Variants in EXOC4 observed in about 807,000 individuals in gnomAD.
EXOC4 encodes exocyst complex component 4.
EXOC4 carries 71 observed loss-of-function variants against 107.2 expected under a neutral mutation model. That is an observed-to-expected ratio of 0.66 (90% CI 0.55 to 0.81). The LOEUF is 0.81. Among genes scored for constraint, EXOC4 ranks in the 30% least tolerant of loss-of-function variants. The probability of loss-of-function intolerance (pLI) is 0.00; values close to 1 mark genes in which losing one functional copy is unlikely to be tolerated. For synonymous variants in EXOC4, 456 were observed against 441.2 expected (o/e 1.03, Z -0.42); for missense variants, 1,108 against 1,189.6 (o/e 0.93, Z 1.01).
At chr7:133,788,740 G>T (rs944044137) in intron 10 of EXOC4, among the ~76,000 whole-genome samples, 2 of 152,110 alleles carry the variant, frequency 1.3e-5, no homozygotes, top group African/African-American at 4.8e-5. Flanking sequence ...TGATCCACCT[G>T]CCTCGGCCTC....
At chr7:133,320,017 TA>T (rs760674793) in intron 5 of EXOC4, among the ~76,000 whole-genome samples, 1 of 152,128 alleles carries the variant, frequency 6.6e-6, no homozygotes. Context: ...AACAATTTAT[TA>T]TCAGTCCCAT....
At chr7:134,034,917 A>G (rs1554438328) in intron 17 of EXOC4, among the ~76,000 whole-genome samples, 1 of 152,258 alleles carries the variant, frequency 6.6e-6, no homozygotes, top group Non-Finnish European at 1.5e-5. Context: ...GCAGGATAGT[A>G]TGTAAATGTT....
At chr7:134,032,710 G>A (rs139507272) in intron 17 of EXOC4, among the ~76,000 whole-genome samples, 217 of 152,302 alleles carry the variant, frequency 1.4e-3, no homozygotes, top group African/African-American at 4.7e-3. Context: ...GCCCCAGCAT[G>A]TCTCTTCTGT....
At chr7:134,054,529 C>A (rs192711542) in intron 17 of EXOC4, among the ~76,000 whole-genome samples, 393 of 152,220 alleles carry the variant, frequency 2.6e-3, no homozygotes, top group Middle Eastern at 0.01. Flanking sequence ...TAACATTGGC[C>A]CCTTTCACCA....
At chr7:133,281,525 A>G (rs1794142037) in intron 2 of EXOC4, among the ~76,000 whole-genome samples, 1 of 151,932 alleles carries the variant, frequency 6.6e-6, no homozygotes, top group African/African-American at 2.4e-5. Flanking sequence ...TGATGTCGAC[A>G]CATTAATTTT....
At chr7:133,639,401 T>G (rs1382893603) in intron 10 of EXOC4, among the ~76,000 whole-genome samples, 3 of 152,180 alleles carry the variant, frequency 2.0e-5, no homozygotes, top group Non-Finnish European at 4.4e-5. Flanking sequence ...TATTGCCTAC[T>G]GTGTTTTTAA....
intron 11 of EXOC4, among the ~76,000 whole-genome samples, chr7:133,820,856 C>T (rs1179954058): frequency 1.3e-5 from 2 of 152,294 alleles, no homozygotes; most frequent in African/African-American, 2.4e-5. Context: ...CCCCAGGACA[C>T]TTTGTCCTTG....
At chr7:133,976,468 C>G (rs1793834686) in intron 14 of EXOC4, among the ~76,000 whole-genome samples, 1 of 152,146 alleles carries the variant, frequency 6.6e-6, no homozygotes, top group South Asian at 2.1e-4. Context: ...GACAGAATAC[C>G]CAGATTACAG....
chr7:133,787,963 T>TATATATA (rs1796616109), intron 10 of EXOC4, among the ~76,000 whole-genome samples: 2 of 40,964 alleles, frequency 4.9e-5, no homozygotes, highest in African/African-American at 8.2e-5. Flanking sequence ...ATTTATATAT[T>TATATATA]TATATATATA....
chr7:133,792,552 CCAAAA>C (rs1796725366), intron 10 of EXOC4, among the ~76,000 whole-genome samples: 4 of 4,580 alleles, frequency 8.7e-4, no homozygotes, highest in African/African-American at 3.0e-3. Context: ...GACCCTGTCT[CCAAAA>C]AAAAAAAAAA....
chr7:133,506,171 T>G (rs1261772417), intron 9 of EXOC4, among the ~76,000 whole-genome samples: 3 of 152,148 alleles, frequency 2.0e-5, no homozygotes, highest in African/African-American at 7.2e-5. Context: ...CTGAATAAAT[T>G]AGGGAGGATA....
chr7:133,959,672 CAA>C (rs1251427752), intron 14 of EXOC4, among the ~76,000 whole-genome samples: 2 of 151,184 alleles, frequency 1.3e-5, no homozygotes, highest in African/African-American at 4.9e-5. Flanking sequence ...GCAGAACCCT[CAA>C]GTTAGAAAGA....
chr7:133,296,068 A>G lies in EXOC4; in HGVS notation c.471+6952A>G, dbSNP rs183359853. Among the ~76,000 whole-genome samples the G allele has an allele frequency of 1.1e-3, 164 of 152,300 alleles. 2 individuals are homozygous for G. Among genetic ancestry groups the G allele is most frequent in the African/African-American group, 3.8e-3 (157 of 41,568 alleles). On this transcript the variant is annotated intron_variant, in intron 3 of 17. Transcript: ENST00000253861. Reference sequence around the variant, plus strand: ...ACTAAAACCCATCTGTTCCTAGTGTAGAAGAGCAGCTTGAAAGACTGAGGC... The same window carrying G: ...ACTAAAACCCATCTGTTCCTAGTGTGGAAGAGCAGCTTGAAAGACTGAGGC...
chr7:133,783,479 T>C (rs1268071537), intron 10 of EXOC4, among the ~76,000 whole-genome samples: 9 of 152,244 alleles, frequency 5.9e-5, no homozygotes, highest in Non-Finnish European at 1.2e-4. Context: ...ACATAACTGC[T>C]TTTATGGACA....
chr7:133,787,982 T>TGGA (rs1796621957), intron 10 of EXOC4, among the ~76,000 whole-genome samples: 1 of 87,028 alleles, frequency 1.1e-5, no homozygotes, highest in Non-Finnish European at 2.2e-5. Flanking sequence ...TATATATATA[T>TGGA]ATATATATAT....
intron 17 of EXOC4, among the ~76,000 whole-genome samples, chr7:134,045,367 G>A (rs1795625418): frequency 1.3e-5 from 2 of 152,176 alleles, no homozygotes; most frequent in South Asian, 2.1e-4. Context: ...AAAGCGTAGA[G>A]CCCTGAGACA....
intron 14 of EXOC4, among the ~76,000 whole-genome samples, chr7:133,971,371 G>C (rs1040278770): frequency 9.3e-6 from 1 of 107,514 alleles, no homozygotes; most frequent in Non-Finnish European, 1.9e-5. Flanking sequence ...TAGAGAGAGA[G>C]AGAGAGAGAG....
At chr7:133,942,651 G>C (rs1800457872) in intron 14 of EXOC4, among the ~76,000 whole-genome samples, 1 of 152,114 alleles carries the variant, frequency 6.6e-6, no homozygotes, top group Admixed American at 6.5e-5. Flanking sequence ...CAGAATCCCA[G>C]TTTAATTTTC....
At chr7:133,764,122 A>G (rs185826836) in intron 10 of EXOC4, among the ~76,000 whole-genome samples, 1 of 152,216 alleles carries the variant, frequency 6.6e-6, no homozygotes, top group East Asian at 1.9e-4. Flanking sequence ...GCAAGGTGCC[A>G]GGCACACAGC....
Sources: allele counts gnomAD v4.1 joint callset (sites outside exome capture counted in the v4.1 genomes callset), GRCh38; gene constraint gnomAD v4.1.1; transcripts MANE v1.5; gene names NCBI Gene and HGNC (gene_info 2026-07-23, HGNC 2026-07-21).